ANXA1: variants seen among roughly 807,000 people sequenced by gnomAD.
The protein encoded by ANXA1 is annexin I (lipocortin I).
ANXA1 carries 39 observed loss-of-function variants against 47.9 expected under a neutral mutation model. The ratio of observed to expected loss-of-function variants is 0.81; its 90% CI spans 0.63 to 1.06. The LOEUF is 1.06. Ranked by LOEUF, ANXA1 falls within the 50% of genes least tolerant of loss-of-function variation. The probability of loss-of-function intolerance (pLI) is 0.00; values close to 1 mark genes in which losing one functional copy is unlikely to be tolerated. For missense variants in ANXA1, 446 were observed against 422.7 expected (o/e 1.06, Z -0.48); for synonymous variants, 146 against 142.5 (o/e 1.02, Z -0.17).
At chr9:73,165,232 G>A in intron 9 of ANXA1, 23 bp downstream of exon 9, 3 of 1,594,348 alleles carry the variant, frequency 1.9e-6, no homozygotes, top group Non-Finnish European at 2.6e-6. Flanking sequence ...TTCTTTTTCT[G>A]GAATCTGTTT....
chr9:73,168,057 G>A (rs1471900522), intron 11 of ANXA1: 2 of 153,182 alleles, frequency 1.3e-5, no homozygotes, highest in Admixed American at 1.3e-4. Context: ...GACATGCATG[G>A]TATTATACAA....
intron 4 of ANXA1, 92 bp from the exon 5 acceptor site, chr9:73,160,171 G>A (rs1411284830): frequency 1.2e-6 from 1 of 803,860 alleles, no homozygotes; most frequent in Non-Finnish European, 1.9e-6. Flanking sequence ...TTAGGGATGA[G>A]TTGTACGATG....
At chr9:73,160,185 TA>T (rs1244774585) in intron 4 of ANXA1, 77 bp from the exon 5 acceptor site, 1 of 1,010,306 alleles carries the variant, frequency 9.9e-7, no homozygotes, top group African/African-American at 1.7e-5. Context: ...TACGATGACC[TA>T]AAGTCAGGTA....
At chr9:73,168,893 G>A in intron 11 of ANXA1, 139 bp from the exon 12 acceptor site, 1 of 642,762 alleles carries the variant, frequency 1.6e-6, no homozygotes, top group Non-Finnish European at 2.7e-6. Flanking sequence ...GTGTGTGTGT[G>A]TGTGTGTGTG....
intron 1 of ANXA1, among the ~76,000 whole-genome samples, chr9:73,156,520 A>T (rs1397781252): frequency 6.6e-6 from 1 of 152,232 alleles, no homozygotes; most frequent in Admixed American, 6.5e-5. Context: ...GAATGGAAAA[A>T]GTATTGGTTC....
chr9:73,154,260 A>G (rs1824013330), intron 1 of ANXA1: 1 of 1,334,340 alleles, frequency 7.5e-7, no homozygotes, highest in African/African-American at 1.5e-5. Context: ...AAGGCCGTGC[A>G]TTTAAAAATA....
At chr9:73,168,915 AGC>A in intron 11 of ANXA1, 115 bp from the exon 12 acceptor site, 28 of 479,906 alleles carry the variant, frequency 5.8e-5, no homozygotes, top group Non-Finnish European at 8.2e-5. Flanking sequence ...GTGTGTGTAT[AGC>A]TAGTTTCTCT....
chr9:73,160,430 G>A, intron 5 of ANXA1, 54 bp downstream of exon 5: 1 of 1,244,796 alleles, frequency 8.0e-7, no homozygotes, highest in Non-Finnish European at 1.1e-6. Context: ...TATTGGGCAA[G>A]TCACTTATGC....
At chr9:73,153,698 G>A (rs1824004951) in intron 1 of ANXA1, among the ~76,000 whole-genome samples, 1 of 152,142 alleles carries the variant, frequency 6.6e-6, no homozygotes, top group Admixed American at 6.5e-5. Flanking sequence ...TTAAATTAGT[G>A]TAGATATGTT....
chr9:73,165,001 C>T lies in ANXA1; in HGVS notation c.613-115C>T, dbSNP rs41306157. ...ACTTGCAATCTTATTGTTGACTACT[C>T]TGATTGTATTGGGCACAAAGCGATT... On this transcript the variant is annotated intron_variant, in intron 8 of 12. Coordinates refer to ENST00000257497, the MANE Select transcript of ANXA1 (RefSeq NM_000700.3). The T allele has an allele frequency of 6.4e-3, 4,597 of 723,420 alleles. 21 individuals are homozygous for T. Among genetic ancestry groups the T allele is most frequent in the Non-Finnish European group, 8.2e-3 (3,583 of 438,866 alleles). The allele number at this position is 723,420 out of a possible 1,614,324, so 44.8% of individuals were successfully genotyped here.
chr9:73,165,882 G>A (rs549755332), intron 9 of ANXA1, among the ~76,000 whole-genome samples: 20 of 152,020 alleles, frequency 1.3e-4, no homozygotes, highest in Non-Finnish European at 1.8e-4. Flanking sequence ...CAAACATTTC[G>A]CCAAAATATA....
intron 1 of ANXA1, among the ~76,000 whole-genome samples, chr9:73,153,765 T>C (rs2118128500): frequency 6.6e-6 from 1 of 152,360 alleles, no homozygotes; most frequent in South Asian, 2.1e-4. Flanking sequence ...ATTAACATCC[T>C]AAATTCCAGG....
intron 3 of ANXA1, 76 bp from the exon 4 acceptor site, chr9:73,159,253 C>T: frequency 8.6e-7 from 1 of 1,165,924 alleles, no homozygotes; most frequent in Non-Finnish European, 1.3e-6. Flanking sequence ...TTTGGAGCAT[C>T]TCAGTAATGA....
At chr9:73,165,253 C>T (rs370740258) in intron 9 of ANXA1, 44 bp downstream of exon 9, 1 of 1,521,168 alleles carries the variant, frequency 6.6e-7, no homozygotes, top group Non-Finnish European at 9.0e-7. Flanking sequence ...ATGGAAGATG[C>T]AATTTTCTTT....
At chr9:73,166,056 A>G in intron 9 of ANXA1, 41 bp from the exon 10 acceptor site, 1 of 1,471,060 alleles carries the variant, frequency 6.8e-7, no homozygotes. Context: ...TCTAAAGAAA[A>G]GGATGTTTTG....
At chr9:73,165,324 A>T in intron 9 of ANXA1, 115 bp downstream of exon 9, 1 of 729,128 alleles carries the variant, frequency 1.4e-6, no homozygotes, top group Non-Finnish European at 2.3e-6. Context: ...TCCTGTATCA[A>T]ACAGATACAG....
chr9:73,163,649 A>T, intron 8 of ANXA1, 117 bp downstream of exon 8: 2 of 1,011,506 alleles, frequency 2.0e-6, no homozygotes, highest in Non-Finnish European at 3.0e-6. Flanking sequence ...TGGCTTCTTA[A>T]TGTTCATTTC....
intron 7 of ANXA1, 23 bp downstream of exon 7, chr9:73,162,884 A>G: frequency 6.3e-7 from 1 of 1,574,966 alleles, no homozygotes; most frequent in African/African-American, 1.3e-5. Context: ...TACTTTAGGA[A>G]ATGCCTCTTG....
Position 73,166,155 on chromosome 9 carries a change from G to A in ANXA1, c.765G>A (p.Glu255=), listed in dbSNP as rs367962910. 6.2e-7 allele frequency: 1 copy of A among 1,612,588 alleles called. No homozygotes were observed. The highest frequency in any genetic ancestry group is 8.5e-7 in the Non-Finnish European group (1 of 1,179,148). ...ACATGAACAAAGTTCTGGACCTGGA[G>A]TTGAAAGGTGACATTGAGAAATGCC... ...KHDMNKVLDL[E]LKGDIEKCLT... is the part of the protein sequence containing the mutation. The change falls in exon 10 of 13, where the codon GAG becomes GAA. Residue 255 remains glutamate (E), a synonymous_variant. Coordinates refer to ENST00000257497, the MANE Select transcript of ANXA1 (RefSeq NM_000700.3).
Sources: allele counts gnomAD v4.1 joint callset (sites outside exome capture counted in the v4.1 genomes callset), GRCh38; gene constraint gnomAD v4.1.1; transcripts MANE v1.5; gene names NCBI Gene and HGNC (gene_info 2026-07-23, HGNC 2026-07-21).